RPRD2: variants seen among roughly 807,000 people sequenced by gnomAD.
The protein encoded by RPRD2 is regulation of nuclear pre-mRNA domain containing 2, also known as regulation of nuclear pre-mRNA domain-containing protein 2.
RPRD2 carries 12 observed loss-of-function variants against 104.4 expected under a neutral mutation model. The observed-to-expected ratio is 0.11, with a 90% CI of 0.07 to 0.19. The LOEUF (loss-of-function observed/expected upper bound fraction) is 0.19. Among genes scored for constraint, RPRD2 ranks in the 10% least tolerant of loss-of-function variants. RPRD2 has a pLI of 1.00. For missense variants in RPRD2, 1,543 were observed against 1,790.1 expected, an observed-to-expected ratio of 0.86 and a Z score of 2.49; for synonymous variants, 714 against 684.9, an observed-to-expected ratio of 1.04 and a Z score of -0.66.
At position 150,440,923 on chromosome 1, in the gene RPRD2, G is replaced by C. The variant is rs782474439; in HGVS notation, c.336G>C (p.Lys112Asn). 1.3e-6 allele frequency: 2 copies of C among 1,497,644 alleles called. No homozygotes were observed. The highest frequency in any genetic ancestry group is 1.8e-6 in the Non-Finnish European group (2 of 1,094,978). 92.8% of individuals were successfully genotyped at this position (1,497,644 alleles called of 1,614,324 possible). Residue 112 changes from lysine to asparagine, a missense_variant and splice_region_variant, in exon 3 of 11, where the codon AAG becomes AAC. Around this residue, in one of 4 missense-constraint regions of RPRD2, gnomAD observed 572 missense variants for 787.3 expected, o/e 0.73. Coordinates refer to ENST00000369068, the MANE Select transcript of RPRD2 (RefSeq NM_015203.5). The part of the protein sequence containing the change: ...DVLPEAAALV[K>N]DPSVSKSVER... ...TGTATTACTTTTTCTTTGTTTTCAG[G>C]GATCCATCTGTCTCTAAGTCTGTAG...
At chr1:150,436,364 G>C (rs1233351552) in intron 2 of RPRD2, among the ~76,000 whole-genome samples, 5 of 152,042 alleles carry the variant, frequency 3.3e-5, no homozygotes, top group African/African-American at 1.2e-4. Context: ...CACTTTGGGA[G>C]GCCGAGGCAG....
chr1:150,393,790 G>T (rs887134942), intron 1 of RPRD2, among the ~76,000 whole-genome samples: 1 of 152,088 alleles, frequency 6.6e-6, no homozygotes, highest in Non-Finnish European at 1.5e-5. Flanking sequence ...AATGTGGGAT[G>T]TTCTGCAGGA....
rs1228135095 is a variant in RPRD2, at chr1:150,473,328, G to A, written c.4380G>A (p.Arg1460=). ...FAPKRPFFPP[R]Y ...CAAAACGCCCATTCTTCCCTCCCAG[G>A]TACTGATGGAAACCAAGGGAAAGGC... Residue 1460 remains arginine, a synonymous_variant, in exon 11 of 11, where the codon AGG becomes AGA. Coordinates refer to ENST00000369068, the MANE Select transcript of RPRD2 (RefSeq NM_015203.5). 3 of 1,607,750 alleles carry A rather than the reference G, an allele frequency of 1.9e-6. No homozygotes were observed. The South Asian group carries it at 3.3e-5, about 18-fold the overall frequency.
intron 7 of RPRD2, among the ~76,000 whole-genome samples, chr1:150,452,195 C>T (rs1667232992): frequency 1.4e-5 from 2 of 148,110 alleles, no homozygotes; most frequent in Non-Finnish European, 1.5e-5. Flanking sequence ...GACAAAAGCA[C>T]AGGGAGAACA....
chr1:150,432,095 C>T (rs1553891915), intron 2 of RPRD2, among the ~76,000 whole-genome samples: 2 of 149,746 alleles, frequency 1.3e-5, no homozygotes, highest in African/African-American at 4.9e-5. Flanking sequence ...GTAAATTTTA[C>T]GTGTATTTTA....
At chr1:150,460,399 T>A in intron 9 of RPRD2, 82 bp downstream of exon 9, 1 of 1,072,772 alleles carries the variant, frequency 9.3e-7, no homozygotes. Flanking sequence ...GGGGGGGTTG[T>A]TGTTGTTGTT....
intron 10 of RPRD2, 77 bp from the exon 11 acceptor site, chr1:150,470,484 A>G (rs1291725261): frequency 7.8e-6 from 11 of 1,418,656 alleles, no homozygotes; most frequent in Non-Finnish European, 9.5e-6. Context: ...GAATGAGAGT[A>G]TCTGATTAGC....
Position 150,473,131 on chromosome 1 carries a change from A to G in RPRD2, c.4183A>G (p.Ser1395Gly). 1 of 1,613,972 alleles carries G rather than the reference A, an allele frequency of 6.2e-7. No individual in the cohort carries two copies. Among genetic ancestry groups the G allele is most frequent in the South Asian group, 1.1e-5 (1 of 91,086 alleles). Residue 1395 changes from serine (S) to glycine (G), a missense_variant, in exon 11 of 11, where the codon AGT becomes GGT. This residue lies in a region of RPRD2 where 880 missense variants were observed against 885.6 expected (regional missense o/e 0.99). Transcript: ENST00000369068. ...AGGTGGGGGAGGCAGCAACAGCAGC[A>G]GTGGCCCCCCCTTGGGTCCCTCACA... The part of the protein sequence containing the change: ...GGGGGGSNSS[S>G]GPPLGPSHRD...
At chr1:150,380,978 TATAAG>T (rs1661082210) in intron 1 of RPRD2, among the ~76,000 whole-genome samples, 1 of 152,168 alleles carries the variant, frequency 6.6e-6, no homozygotes, top group African/African-American at 2.4e-5. Context: ...CTTTTCTCAT[TATAAG>T]ATACTGCCTT....
intron 2 of RPRD2, among the ~76,000 whole-genome samples, chr1:150,438,915 A>C (rs1450481918): frequency 2.0e-5 from 3 of 151,864 alleles, no homozygotes; most frequent in Non-Finnish European, 4.4e-5. Context: ...GCTCACTGCA[A>C]CCTTCGACTC....
At chr1:150,400,150 T>C (rs1472011033) in intron 1 of RPRD2, among the ~76,000 whole-genome samples, 1 of 152,224 alleles carries the variant, frequency 6.6e-6, no homozygotes, top group Non-Finnish European at 1.5e-5. Flanking sequence ...TAAATGGTAC[T>C]ACTTTCTTTA....
intron 6 of RPRD2, among the ~76,000 whole-genome samples, chr1:150,445,632 A>G (rs1572491375): frequency 6.6e-6 from 1 of 152,340 alleles, no homozygotes; most frequent in East Asian, 1.9e-4. Context: ...AAAATAATTA[A>G]TCAACAAACT....
At chr1:150,451,840 A>G (rs768258823) in intron 7 of RPRD2, among the ~76,000 whole-genome samples, 18 of 151,466 alleles carry the variant, frequency 1.2e-4, no homozygotes, top group Non-Finnish European at 2.7e-4. Context: ...ACTGGTGTCC[A>G]TATAAGAAGA....
At chr1:150,416,105 A>C (rs1664310999) in intron 1 of RPRD2, among the ~76,000 whole-genome samples, 1 of 152,174 alleles carries the variant, frequency 6.6e-6, no homozygotes, top group South Asian at 2.1e-4. Flanking sequence ...GTGATTTTAG[A>C]ACCCAGCAGC....
intron 9 of RPRD2, among the ~76,000 whole-genome samples, chr1:150,461,872 C>T (rs782402157): frequency 5.1e-4 from 77 of 151,626 alleles, no homozygotes; most frequent in South Asian, 1.7e-3. Flanking sequence ...CCCAGCTGCT[C>T]GGGAGGCTAA....
chr1:150,446,732 AGAGT>A (rs1666799099), intron 7 of RPRD2, among the ~76,000 whole-genome samples: 1 of 152,166 alleles, frequency 6.6e-6, no homozygotes, highest in South Asian at 2.1e-4. Flanking sequence ...CTGGCCAACA[AGAGT>A]GAGACCCGTC....
chr1:150,471,606 G>A lies in RPRD2; in HGVS notation c.2658G>A (p.Lys886=). 1.2e-6 allele frequency: 2 copies of A among 1,613,804 alleles called. No individual in the cohort carries two copies. Among genetic ancestry groups the A allele is most frequent in the Non-Finnish European group, 1.7e-6 (2 of 1,179,856 alleles). ...YSHRAQEFGV[K]SAFPPSVRAL... ...ACAGAGCCCAAGAATTTGGGGTAAA[G>A]TCTGCCTTCCCTCCATCTGTAAGGG... The change falls in exon 11 of 11, where the codon AAG becomes AAA. Residue 886 remains lysine, a synonymous_variant. Transcript: ENST00000369068. The surrounding 1 kb of genome is among the most constrained non-coding windows in gnomAD (Gnocchi z 5.3).
At chr1:150,441,189 A>T in intron 3 of RPRD2, 166 bp downstream of exon 3, 1 of 478,506 alleles carries the variant, frequency 2.1e-6, no homozygotes, top group East Asian at 3.5e-5. Flanking sequence ...TGTTTGAATT[A>T]AAATGTAAGT....
chr1:150,464,010 T>A (rs138077517), intron 9 of RPRD2, among the ~76,000 whole-genome samples: 4 of 152,196 alleles, frequency 2.6e-5, no homozygotes, highest in Admixed American at 1.3e-4. Context: ...ATATTGGGGC[T>A]CTCAAAACTA....
Sources: allele counts gnomAD v4.1 joint callset (sites outside exome capture counted in the v4.1 genomes callset), GRCh38; gene constraint gnomAD v4.1.1; regional missense constraint gnomAD v4.1.1; non-coding constraint Gnocchi (gnomAD v3.1); transcripts MANE v1.5; gene names NCBI Gene and HGNC (gene_info 2026-07-23, HGNC 2026-07-21).